The following SLC22A4 variants were observed in gnomAD, a reference collection of about 807,000 sequenced individuals.
SLC22A4 encodes the protein ET transporter.
In SLC22A4, 39 loss-of-function variants were observed where a neutral mutation model predicts 56.6. The ratio of observed to expected loss-of-function variants is 0.69; its 90% CI spans 0.53 to 0.90. SLC22A4 has a LOEUF of 0.90. SLC22A4 is among the 40% of genes least tolerant of loss of function. The pLI is 0.00. For missense variants in SLC22A4, 594 were observed against 696.5 expected (o/e 0.85, Z 1.66); for synonymous variants, 241 against 281.4 (o/e 0.86, Z 1.44).
chr5:132,308,911 C>T (rs1223683393), intron 1 of SLC22A4, among the ~76,000 whole-genome samples: 1 of 152,184 alleles, frequency 6.6e-6, no homozygotes, highest in African/African-American at 2.4e-5. Context: ...CTGCCATTAG[C>T]CTCTGAGCTG....
intron 4 of SLC22A4, among the ~76,000 whole-genome samples, chr5:132,326,900 C>T (rs1750706297): frequency 6.6e-6 from 1 of 152,210 alleles, no homozygotes; most frequent in South Asian, 2.1e-4. Context: ...AGGATGGACC[C>T]ACTGCAAAGA....
In SLC22A4 at chr5:132,331,820, C is replaced by A; in HGVS notation, c.1016C>A (p.Ala339Asp). 6.2e-7 allele frequency: 1 copy of A among 1,610,670 alleles called. No individual in the cohort carries two copies. The highest frequency in any genetic ancestry group is 8.5e-7 in the Non-Finnish European group (1 of 1,176,938). The change falls in exon 6 of 10, where the codon GCC becomes GAC. Residue 339 changes from alanine (A) to aspartate (D), a missense_variant. Physicochemically the swap from Ala to Asp is moderately radical, Grantham distance 126. Coordinates refer to ENST00000200652, the MANE Select transcript of SLC22A4 (RefSeq NM_003059.3). ...GACCTGTTCAGGACTCGGAATATTG[C>A]CATAATGACCATTATGTCTTTGCTG... ...ILDLFRTRNI[A>D]IMTIMSLLLW...
At chr5:132,304,488 G>A (rs1012188625) in intron 1 of SLC22A4, among the ~76,000 whole-genome samples, 2 of 152,138 alleles carry the variant, frequency 1.3e-5, no homozygotes, top group Non-Finnish European at 2.9e-5. Context: ...ATGGTGGCAG[G>A]TCCCTGTAAT....
At chr5:132,305,337 G>C (rs1580821631) in intron 1 of SLC22A4, among the ~76,000 whole-genome samples, 2 of 151,918 alleles carry the variant, frequency 1.3e-5, no homozygotes, top group African/African-American at 2.4e-5. Context: ...TACTAGGAGA[G>C]GAGAGAGAGA....
At chr5:132,306,394 T>TATATAC (rs1750034565) in intron 1 of SLC22A4, among the ~76,000 whole-genome samples, 1 of 16,156 alleles carries the variant, frequency 6.2e-5, no homozygotes, top group Non-Finnish European at 1.1e-4. Flanking sequence ...AATATATATA[T>TATATAC]ATATATATAT....
At chr5:132,295,711 ACT>A in intron 1 of SLC22A4, 2 of 183,124 alleles carry the variant, frequency 1.1e-5, no homozygotes, top group Non-Finnish European at 2.3e-5. Context: ...ATGCACACAC[ACT>A]TCTCCCGCTT....
Position 132,294,656 on chromosome 5 carries a change from T to G in SLC22A4, c.40T>G (p.Trp14Gly). ...CGAGGTGATCGCCTTCCTGGGCGAG[T>G]GGGGGCCCTTCCAGCGCCTCATCTT... ...YDEVIAFLGE[W>G]GPFQRLIFFL... The change falls in exon 1 of 10, where the codon TGG becomes GGG. Residue 14 changes from tryptophan to glycine, a missense_variant. Transcript: ENST00000200652. The surrounding 1 kb of genome is among the most constrained non-coding windows in gnomAD (Gnocchi z 5.6). The G allele has an allele frequency of 6.2e-7, 1 of 1,613,938 alleles. No individual in the cohort carries two copies. The highest frequency in any genetic ancestry group is 8.5e-7 in the Non-Finnish European group (1 of 1,179,970).
chr5:132,332,477 C>T (rs1368864254), intron 6 of SLC22A4, among the ~76,000 whole-genome samples: 1 of 152,000 alleles, frequency 6.6e-6, no homozygotes, highest in Admixed American at 6.6e-5. Context: ...TAATGATGTC[C>T]GTGTTGCCTG....
chr5:132,297,309 C>A (rs1164144404), intron 1 of SLC22A4, among the ~76,000 whole-genome samples: 3 of 152,016 alleles, frequency 2.0e-5, no homozygotes, highest in Non-Finnish European at 4.4e-5. Flanking sequence ...CAGAGCCAGA[C>A]TGTGTCTCAA....
chr5:132,294,897 C>A lies in SLC22A4; in HGVS notation c.281C>A (p.Ala94Glu). The change falls in exon 1 of 10, where the codon GCG (alanine) becomes GAG (glutamate). Residue 94 changes from alanine to glutamate, a missense_variant. By Grantham distance (107) the Ala-to-Glu change is moderately radical (BLOSUM62 -1). Coordinates refer to ENST00000200652, the MANE Select transcript of SLC22A4 (RefSeq NM_003059.3). This position sits in a 1 kb window ranked among gnomAD's most constrained non-coding sequence, Gnocchi z 5.6. ...CTCGCCACCATCGCCAACTTCTCGG[C>A]GCTCGGGCTGGAGCCGGGGCGCGAC... ...YRLATIANFSALGLEPGRDVD... is the reference protein window; with the variant it reads ...YRLATIANFSELGLEPGRDVD... 2 of 1,596,366 alleles carry A rather than the reference C, an allele frequency of 1.3e-6. No individual in the cohort carries two copies. The highest frequency in any genetic ancestry group is 1.7e-6 in the Non-Finnish European group (2 of 1,172,566).
At position 132,322,351 on chromosome 5, in the gene SLC22A4, T is replaced by C. The variant is rs368056012; in HGVS notation, c.820T>C (p.Trp274Arg). Residue 274 changes from tryptophan to arginine, a missense_variant, in exon 4 of 10, where the codon TGG (tryptophan) becomes CGG (arginine). Physicochemically the swap from Trp to Arg is moderately radical, Grantham distance 101 (BLOSUM62 -3). Coordinates refer to ENST00000200652, the MANE Select transcript of SLC22A4 (RefSeq NM_003059.3). ...GCCGGGAGTGCTGTGTGTCCCGCTG[T>C]GGTGGTGAGTGTGACTCGTCCCCAG... ...TVPGVLCVPL[W>R]WFIPESPRWL... 3 of 1,613,302 alleles carry C rather than the reference T, an allele frequency of 1.9e-6. No individual in the cohort carries two copies. Among genetic ancestry groups the C allele is most frequent in the Non-Finnish European group, 8.5e-7 (1 of 1,179,856 alleles).
chr5:132,296,855 G>A (rs547283102), intron 1 of SLC22A4, among the ~76,000 whole-genome samples: 1 of 152,290 alleles, frequency 6.6e-6, no homozygotes, highest in East Asian at 1.9e-4. Context: ...AGGGCGTGAG[G>A]GGTGAGTAGC....
chr5:132,328,302 G>T (rs1405528661), intron 5 of SLC22A4, among the ~76,000 whole-genome samples: 2 of 152,138 alleles, frequency 1.3e-5, no homozygotes, highest in African/African-American at 4.8e-5. Context: ...GACTGTGGTG[G>T]CTTCAGTAAC....
chr5:132,340,743 G>A, intron 9 of SLC22A4, 43 bp downstream of exon 9: 1 of 1,581,022 alleles, frequency 6.3e-7, no homozygotes, highest in Non-Finnish European at 8.7e-7. Context: ...ATGCCTTAGG[G>A]AGAATAAGCA....
intron 3 of SLC22A4, among the ~76,000 whole-genome samples, chr5:132,318,940 T>G (rs1427290958): frequency 3.9e-5 from 6 of 152,154 alleles, no homozygotes; most frequent in Admixed American, 2.6e-4. Context: ...GGAAAGCTCA[T>G]GGCAGCTGCA....
Position 132,338,571 on chromosome 5 carries a change from C to T in SLC22A4, c.1445-1994C>T, listed in dbSNP as rs549250160. 6.6e-5 allele frequency among the ~76,000 whole-genome samples: 10 copies of T among 152,288 alleles called. No homozygotes were observed. The South Asian group carries it at 1.5e-3, about 22-fold the overall frequency. On this transcript the variant is annotated intron_variant, in intron 8 of 9. Transcript: ENST00000200652. ...GCTTATTTCATCCCTACAGCTACAA[C>T]CGTAAAAGACAGCTGCCCCCAAAGT...
At chr5:132,317,681 A>G (rs1430805814) in intron 3 of SLC22A4, among the ~76,000 whole-genome samples, 1 of 152,234 alleles carries the variant, frequency 6.6e-6, no homozygotes, top group East Asian at 1.9e-4. Flanking sequence ...GCTGGGTCCT[A>G]TGGTGATTCT....
At chr5:132,340,722 A>G in intron 9 of SLC22A4, 22 bp downstream of exon 9, 1 of 1,610,556 alleles carries the variant, frequency 6.2e-7, no homozygotes, top group Non-Finnish European at 8.5e-7. Context: ...TTTTAACAAA[A>G]TGATACCAAA....
Position 132,312,265 on chromosome 5 carries a change from G to A in SLC22A4, c.497+1G>A, listed in dbSNP as rs1561538027. On this transcript the variant is annotated splice_donor_variant, in intron 2 of 9. Transcript: ENST00000200652. LOFTEE classifies it high-confidence loss of function. ...TCGTGTCCGGGCAGCTGTCAGACAG[G>A]TAAGCACATGGGAGGGGAGGAAGGT... 6.3e-7 allele frequency: 1 copy of A among 1,591,832 alleles called. No individual in the cohort carries two copies.
Sources: allele counts gnomAD v4.1 joint callset (sites outside exome capture counted in the v4.1 genomes callset), GRCh38; gene constraint gnomAD v4.1.1; non-coding constraint Gnocchi (gnomAD v3.1); transcripts MANE v1.5; gene names NCBI Gene and HGNC (gene_info 2026-07-23, HGNC 2026-07-21).